The following ANXA4 variants were observed in gnomAD, a reference collection of about 807,000 sequenced individuals.
The protein encoded by ANXA4 is 35-beta calcimedin.
In ANXA4, 39 loss-of-function variants were observed where a neutral mutation model predicts 49.8. The ratio of observed to expected loss-of-function variants is 0.78; its 90% CI spans 0.61 to 1.02. The LOEUF is 1.02. Ranked by LOEUF, ANXA4 falls within the 50% of genes least tolerant of loss-of-function variation. ANXA4 has a pLI of 0.00. For missense variants in ANXA4, 360 were observed against 410.1 expected, an observed-to-expected ratio of 0.88 and a Z score of 1.05; for synonymous variants, 134 against 152.5, an observed-to-expected ratio of 0.88 and a Z score of 0.89.
chr2:69,826,736 G>C lies in ANXA4; in HGVS notation c.*1221G>C, dbSNP rs1674485646. On this transcript the variant is annotated 3_prime_UTR_variant, in exon 13 of 13. Transcript: ENST00000394295. Reference sequence around the variant, plus strand: ...GGAGGCAGGAGGCAAAGGTTGCAGTGAGCCGAGATCACGCCAGCCTGGGCG... The same window carrying C: ...GGAGGCAGGAGGCAAAGGTTGCAGTCAGCCGAGATCACGCCAGCCTGGGCG... 6.7e-6 allele frequency: 1 copy of C among 149,858 alleles called. No homozygotes were observed. The highest frequency in any genetic ancestry group is 1.5e-5 in the Non-Finnish European group (1 of 67,808). The allele number at this position is 149,858 out of a possible 1,614,324, so 9.3% of individuals were successfully genotyped here. A position where few individuals can be genotyped will look rare whatever the true frequency, so the allele number is the denominator to read the frequency against.
At chr2:69,669,590 G>A (rs1337604565) in intron 2 of ANXA4, among the ~76,000 whole-genome samples, 3 of 150,934 alleles carry the variant, frequency 2.0e-5, no homozygotes. Flanking sequence ...TAGCCTGGGC[G>A]ACAGAGTGAG....
chr2:69,768,641 G>C (rs1380095771), intron 1 of ANXA4, among the ~76,000 whole-genome samples: 1 of 152,244 alleles, frequency 6.6e-6, no homozygotes, highest in Non-Finnish European at 1.5e-5. Context: ...TGTTGAATGA[G>C]TAGGTGAATG....
intron 3 of ANXA4, among the ~76,000 whole-genome samples, chr2:69,733,345 T>C (rs1670155016): frequency 6.6e-6 from 1 of 152,200 alleles, no homozygotes; most frequent in African/African-American, 2.4e-5. Flanking sequence ...GGCTCACACC[T>C]GTAATCCCAA....
At chr2:69,798,208 T>C (rs547218176) in intron 3 of ANXA4, among the ~76,000 whole-genome samples, 1 of 152,300 alleles carries the variant, frequency 6.6e-6, no homozygotes, top group Admixed American at 6.5e-5. Flanking sequence ...GTCTTTGAGA[T>C]CTGGATCATG....
intron 3 of ANXA4, among the ~76,000 whole-genome samples, chr2:69,797,443 C>G (rs776885001): frequency 1.3e-5 from 2 of 152,200 alleles, no homozygotes; most frequent in African/African-American, 2.4e-5. Flanking sequence ...ACTCTCTGAC[C>G]TCCTAGACCT....
At chr2:69,809,291 T>C (rs1673593695) in intron 6 of ANXA4, 1 of 152,194 alleles carries the variant, frequency 6.6e-6, no homozygotes, top group Non-Finnish European at 1.5e-5. Context: ...AATAAGAGCT[T>C]TGTGGGAAGT....
At chr2:69,755,272 A>T (rs1048400721) in intron 1 of ANXA4, among the ~76,000 whole-genome samples, 5 of 152,172 alleles carry the variant, frequency 3.3e-5, no homozygotes, top group African/African-American at 9.7e-5. Context: ...GATGGTGGTG[A>T]TTGTTGCAAG....
At chr2:69,775,135 T>C (rs2103624189) in intron 1 of ANXA4, among the ~76,000 whole-genome samples, 1 of 152,312 alleles carries the variant, frequency 6.6e-6, no homozygotes, top group Middle Eastern at 3.4e-3. Context: ...GTTTCATGGT[T>C]TGCCTTCCAC....
intron 7 of ANXA4, among the ~76,000 whole-genome samples, chr2:69,811,702 A>G (rs1673711332): frequency 6.6e-6 from 1 of 152,108 alleles, no homozygotes; most frequent in Non-Finnish European, 1.5e-5. Flanking sequence ...CCTTCAAACC[A>G]GCTCTTCTTC....
At chr2:69,793,871 G>A (rs950690123) in intron 3 of ANXA4, among the ~76,000 whole-genome samples, 2 of 28,948 alleles carry the variant, frequency 6.9e-5, no homozygotes, top group Admixed American at 5.1e-4. Context: ...AGAAAAAAAA[G>A]TTTCCAGATT....
intron 1 of ANXA4, among the ~76,000 whole-genome samples, chr2:69,753,768 C>T (rs769282021): frequency 3.3e-5 from 5 of 152,236 alleles, no homozygotes; most frequent in East Asian, 1.9e-4. Context: ...GCCCCACCTT[C>T]CTGGTTTACC....
chr2:69,663,537 G>A (rs921526887), intron 2 of ANXA4, among the ~76,000 whole-genome samples: 2 of 151,974 alleles, frequency 1.3e-5, no homozygotes, highest in Non-Finnish European at 2.9e-5. Context: ...ACACAAGACT[G>A]TAGTCCCTGC....
chr2:69,758,555 C>G (rs886717044), intron 1 of ANXA4, among the ~76,000 whole-genome samples: 3 of 152,072 alleles, frequency 2.0e-5, no homozygotes, highest in African/African-American at 7.2e-5. Context: ...CCAGAAGTTC[C>G]AGGCTGCAGT....
intron 2 of ANXA4, among the ~76,000 whole-genome samples, chr2:69,654,510 A>AT (rs1676365972): frequency 1.3e-5 from 2 of 152,168 alleles, no homozygotes; most frequent in African/African-American, 4.8e-5. Flanking sequence ...GTTGAAATTT[A>AT]TTGAAGGCCC....
chr2:69,738,552 TC>T (rs1246180369), upstream of ANXA4, among the ~76,000 whole-genome samples: 3 of 152,048 alleles, frequency 2.0e-5, no homozygotes, highest in Non-Finnish European at 2.9e-5. Context: ...CTAATCCCCT[TC>T]CCTTAAATCT....
At chr2:69,743,926 A>G (rs1440221410) in intron 1 of ANXA4, among the ~76,000 whole-genome samples, 1 of 152,192 alleles carries the variant, frequency 6.6e-6, no homozygotes, top group African/African-American at 2.4e-5. Context: ...CCCCAGGCTC[A>G]TGTCCAGTGG....
chr2:69,740,851 A>G (rs1239071989), upstream of ANXA4, among the ~76,000 whole-genome samples: 1 of 113,154 alleles, frequency 8.8e-6, no homozygotes, highest in African/African-American at 3.7e-5. Flanking sequence ...CCGGCTATAT[A>G]TATGTTTTTT....
intron 1 of ANXA4, among the ~76,000 whole-genome samples, chr2:69,767,208 A>C (rs1671527752): frequency 6.6e-6 from 1 of 152,260 alleles, no homozygotes; most frequent in African/African-American, 2.4e-5. Flanking sequence ...AGTTTGTAGC[A>C]AAAGCTAGAA....
chr2:69,812,662 G>A lies in ANXA4; in HGVS notation c.487G>A (p.Asp163Asn), dbSNP rs1673759555. The A allele has an allele frequency of 1.2e-6, 2 of 1,613,842 alleles. No individual in the cohort carries two copies. Among genetic ancestry groups the A allele is most frequent in the Non-Finnish European group, 1.7e-6 (2 of 1,179,898 alleles). ...TTTTTCTCATCCTCAGGGTGGGAGG[G>A]ATGAAGGAAATTATCTGGACGATGC... is the stretch of plus-strand genomic sequence containing the variant. ...VLVSLSAGGR[D>N]EGNYLDDALV... Residue 163 changes from aspartate (D) to asparagine (N), a missense_variant, in exon 8 of 13, where the codon GAT becomes AAT. Coordinates refer to ENST00000394295, the MANE Select transcript of ANXA4 (RefSeq NM_001153.5).
Sources: allele counts gnomAD v4.1 joint callset (sites outside exome capture counted in the v4.1 genomes callset), GRCh38; gene constraint gnomAD v4.1.1; transcripts MANE v1.5; gene names NCBI Gene and HGNC (gene_info 2026-07-23, HGNC 2026-07-21).